GRM8: variants seen among roughly 807,000 people sequenced by gnomAD.
GRM8 encodes metabotropic glutamate receptor 8.
Under a neutral mutation model 87.2 loss-of-function variants are expected in GRM8, and 47 were observed. The observed-to-expected ratio is 0.54, with a 90% CI of 0.43 to 0.69. The LOEUF is 0.69. GRM8 is among the 30% of genes least tolerant of loss of function. The probability of loss-of-function intolerance (pLI) is 0.00; values close to 1 mark genes in which losing one functional copy is unlikely to be tolerated. For missense variants in GRM8, 1,019 were observed against 1,139.2 expected (o/e 0.89, Z 1.52); for synonymous variants, 396 against 404.5 (o/e 0.98, Z 0.25).
rs769176564 is a variant in GRM8, at chr7:126,768,091, C to G, written c.1357+1774G>C. 2.0e-5 allele frequency among the ~76,000 whole-genome samples: 3 copies of G among 152,102 alleles called. No homozygotes were observed. The East Asian group carries it at 5.8e-4, about 29-fold the overall frequency. ...TATTGCCCTACCCTTATCTCAGACA[C>G]CTACTCCCTTCAGATTTCATCTGTT... On this transcript the variant is annotated intron_variant, in intron 7 of 10. Transcript: ENST00000339582.
chr7:126,984,170 A>G (rs1158682577), intron 3 of GRM8, among the ~76,000 whole-genome samples: 1 of 152,206 alleles, frequency 6.6e-6, no homozygotes, highest in South Asian at 2.1e-4. Flanking sequence ...CATGAAGGAT[A>G]GTTGTATTAT....
chr7:127,132,515 A>T (rs1827741646), intron 2 of GRM8, among the ~76,000 whole-genome samples: 1 of 152,030 alleles, frequency 6.6e-6, no homozygotes, highest in African/African-American at 2.4e-5. Context: ...GAAGCTTAGG[A>T]TCTAGTAGGT....
chr7:126,758,150 T>C (rs1038245965), intron 7 of GRM8, among the ~76,000 whole-genome samples: 2 of 152,046 alleles, frequency 1.3e-5, no homozygotes, highest in Middle Eastern at 3.2e-3. Flanking sequence ...ATTTGGTGAG[T>C]TTTTATGTGT....
chr7:126,964,385 T>C (rs1207099414), intron 3 of GRM8, among the ~76,000 whole-genome samples: 2 of 152,060 alleles, frequency 1.3e-5, no homozygotes, highest in African/African-American at 4.8e-5. Flanking sequence ...GCCTACAGAA[T>C]GGGAAAAAAT....
At chr7:126,510,122 G>A (rs185984765) in intron 9 of GRM8, among the ~76,000 whole-genome samples, 149 of 151,986 alleles carry the variant, frequency 9.8e-4, no homozygotes, top group African/African-American at 3.2e-3. Context: ...ACAAAGTTGC[G>A]GCATGCTTTT....
intron 3 of GRM8, 50 bp from the exon 4 acceptor site, chr7:126,904,733 T>C (rs373402535): frequency 5.9e-5 from 92 of 1,554,972 alleles, no homozygotes; most frequent in Non-Finnish European, 7.3e-5. Context: ...ATTTATTTAA[T>C]TAGCAAACCC....
At chr7:126,714,758 C>A (rs1811528025) in intron 7 of GRM8, among the ~76,000 whole-genome samples, 1 of 152,020 alleles carries the variant, frequency 6.6e-6, no homozygotes, top group Non-Finnish European at 1.5e-5. Flanking sequence ...TTATAGCCTG[C>A]TGTTGACCAG....
chr7:127,026,487 T>C (rs952815495), intron 3 of GRM8, among the ~76,000 whole-genome samples: 1 of 152,144 alleles, frequency 6.6e-6, no homozygotes, highest in African/African-American at 2.4e-5. Context: ...CATTCCCATT[T>C]CTCCACATTC....
At chr7:127,186,782 T>C (rs1337515102) in intron 2 of GRM8, among the ~76,000 whole-genome samples, 1 of 152,206 alleles carries the variant, frequency 6.6e-6, no homozygotes, top group African/African-American at 2.4e-5. Context: ...GTAAATAGGA[T>C]GCACCTGCTC....
intron 3 of GRM8, among the ~76,000 whole-genome samples, chr7:126,979,442 T>C (rs889342426): frequency 3.3e-5 from 5 of 152,214 alleles, no homozygotes; most frequent in African/African-American, 1.2e-4. Flanking sequence ...TCTGCTATAC[T>C]TACAGTATTG....
chr7:127,152,391 G>A (rs918271427), intron 2 of GRM8, among the ~76,000 whole-genome samples: 6 of 152,104 alleles, frequency 3.9e-5, no homozygotes, highest in African/African-American at 1.2e-4. Flanking sequence ...GCAAGACAGG[G>A]CAGAGAAGGT....
Position 127,215,469 on chromosome 7 carries a change from C to A in GRM8, c.510+27226G>T, listed in dbSNP as rs754270904. Among the ~76,000 whole-genome samples, 69 of 152,160 alleles carry A rather than the reference C, an allele frequency of 4.5e-4. 1 individual carries two copies. The highest frequency in any genetic ancestry group is 3.4e-3 in the Middle Eastern group (1 of 294). On this transcript the variant is annotated intron_variant, in intron 2 of 10. Coordinates refer to ENST00000339582, the MANE Select transcript of GRM8 (RefSeq NM_000845.3). Reference sequence around the variant, plus strand: ...GACCTTGTAACAGCGCCCAAGTCCTCATCTCCCATTCCACAATGCACCCCT... The same window carrying A: ...GACCTTGTAACAGCGCCCAAGTCCTAATCTCCCATTCCACAATGCACCCCT...
At chr7:126,949,935 C>T (rs763646100) in intron 3 of GRM8, among the ~76,000 whole-genome samples, 1 of 152,124 alleles carries the variant, frequency 6.6e-6, no homozygotes, top group South Asian at 2.1e-4. Flanking sequence ...TTAGAGGAAG[C>T]CTGTAGGCTT....
chr7:126,733,364 A>C (rs1419890992), intron 7 of GRM8, among the ~76,000 whole-genome samples: 2 of 150,642 alleles, frequency 1.3e-5, no homozygotes, highest in Non-Finnish European at 3.0e-5. Context: ...TATACATTAA[A>C]TTGATAATAT....
intron 9 of GRM8, among the ~76,000 whole-genome samples, chr7:126,530,304 A>G (rs1814590423): frequency 6.6e-6 from 1 of 152,260 alleles, no homozygotes; most frequent in African/African-American, 2.4e-5. Context: ...GCTCTTCTAC[A>G]TGTTGGAAAT....
At chr7:127,135,067 CT>C (rs908999588) in intron 2 of GRM8, among the ~76,000 whole-genome samples, 3 of 151,598 alleles carry the variant, frequency 2.0e-5, no homozygotes, top group African/African-American at 7.3e-5. Flanking sequence ...GACTACCTGT[CT>C]TTTTTTTAGA....
intron 3 of GRM8, among the ~76,000 whole-genome samples, chr7:126,994,512 C>T (rs1461373137): frequency 2.0e-5 from 3 of 152,144 alleles, no homozygotes; most frequent in South Asian, 2.1e-4. Flanking sequence ...GAGCCCACTT[C>T]CCTGAAGAGT....
chr7:127,065,171 T>C (rs17869679), intron 3 of GRM8, among the ~76,000 whole-genome samples: 4 of 152,296 alleles, frequency 2.6e-5, no homozygotes, highest in Admixed American at 2.6e-4. Flanking sequence ...ATATATACCA[T>C]GGAATATTAT....
At chr7:127,204,817 C>T (rs533096488) in intron 2 of GRM8, among the ~76,000 whole-genome samples, 1 of 152,098 alleles carries the variant, frequency 6.6e-6, no homozygotes, top group East Asian at 1.9e-4. Flanking sequence ...TCAATGCAAC[C>T]CAGACAAGAA....
Sources: gnomAD v4.1 joint callset for allele counts (sites outside exome capture counted in the v4.1 genomes callset) on GRCh38, gnomAD v4.1.1 for gene constraint, MANE v1.5 for transcripts, NCBI Gene and HGNC (gene_info 2026-07-23, HGNC 2026-07-21) for gene names.